PEAK1: variants seen among roughly 807,000 people sequenced by gnomAD.
PEAK1 encodes inactive tyrosine-protein kinase PEAK1.
Under a neutral mutation model 124.7 loss-of-function variants are expected in PEAK1, and 54 were observed. The ratio of observed to expected loss-of-function variants is 0.43; its 90% CI spans 0.35 to 0.54. PEAK1 has a LOEUF of 0.54. Among genes scored for constraint, PEAK1 ranks in the 20% least tolerant of loss-of-function variants. The probability of loss-of-function intolerance (pLI) is 0.01; values close to 1 mark genes in which losing one functional copy is unlikely to be tolerated. For synonymous variants in PEAK1, 719 were observed against 760.0 expected (o/e 0.95, Z 0.89); for missense variants, 2,046 against 2,134.5 (o/e 0.96, Z 0.82).
intron 7 of PEAK1, among the ~76,000 whole-genome samples, chr15:77,176,261 G>GAA (rs34451095): frequency 4.2e-4 from 40 of 95,004 alleles, no homozygotes; most frequent in African/African-American, 1.3e-3. Flanking sequence ...ATAATAAGAA[G>GAA]AAAAAAAAAA....
At chr15:77,280,863 G>T (rs1460961629) in intron 5 of PEAK1, among the ~76,000 whole-genome samples, 1 of 152,088 alleles carries the variant, frequency 6.6e-6, no homozygotes, top group African/African-American at 2.4e-5. Flanking sequence ...AGCTGTACAA[G>T]ATTTCTATTT....
chr15:77,405,284 G>A (rs756499236), intron 1 of PEAK1, among the ~76,000 whole-genome samples: 2 of 152,064 alleles, frequency 1.3e-5, no homozygotes, highest in South Asian at 2.1e-4. Context: ...GATTACAGGC[G>A]TGAGCCACCA....
At chr15:77,145,173 G>A (rs1412447016) in intron 8 of PEAK1, among the ~76,000 whole-genome samples, 4 of 152,186 alleles carry the variant, frequency 2.6e-5, no homozygotes, top group Non-Finnish European at 5.9e-5. Flanking sequence ...TTCAGGCCAG[G>A]TGCGGTGGCT....
chr15:77,237,331 C>T (rs796274828), intron 6 of PEAK1, among the ~76,000 whole-genome samples: 38 of 152,144 alleles, frequency 2.5e-4, no homozygotes, highest in African/African-American at 8.7e-4. Flanking sequence ...AATTTTGACA[C>T]CATCCCACAG....
rs1179007056 is a variant in PEAK1 at position 77,313,738 on chromosome 15, ATATT to A, written c.-602-27238_-602-27235del. ...TGTGTGTGTGTGTGTATATATATAT[ATATT>A]TATTTATTTATTTATTTTTAGTAGA... On this transcript the variant is annotated intron_variant, in intron 2 of 9. Coordinates refer to ENST00000682557, the MANE Select transcript of PEAK1 (RefSeq NM_001385026.1). 1.1e-3 allele frequency among the ~76,000 whole-genome samples: 159 copies of A among 143,722 alleles called. 1 individual carries two copies. Among genetic ancestry groups the A allele is most frequent in the Non-Finnish European group, 2.0e-3 (131 of 66,364 alleles). 94.3% of individuals were successfully genotyped at this position (143,722 alleles called of 152,430 possible).
intron 2 of PEAK1, among the ~76,000 whole-genome samples, chr15:77,321,837 G>A (rs2065239873): frequency 6.6e-6 from 1 of 152,106 alleles, no homozygotes; most frequent in African/African-American, 2.4e-5. Flanking sequence ...TTTTGTATAA[G>A]GTGTAAGGAA....
chr15:77,329,759 G>T (rs766476407), intron 2 of PEAK1, among the ~76,000 whole-genome samples: 7 of 152,184 alleles, frequency 4.6e-5, no homozygotes, highest in African/African-American at 7.2e-5. Flanking sequence ...AAGAACAGCA[G>T]AATACATAAG....
At chr15:77,165,789 G>C (rs2056051899) in intron 7 of PEAK1, among the ~76,000 whole-genome samples, 1 of 152,116 alleles carries the variant, frequency 6.6e-6, no homozygotes, top group Non-Finnish European at 1.5e-5. Context: ...CTCTTCAGGA[G>C]GTAGCTACAA....
intron 2 of PEAK1, chr15:77,349,884 T>A (rs2067102447): frequency 1.0e-6 from 1 of 985,146 alleles, no homozygotes; most frequent in Admixed American, 6.2e-5. Context: ...CAATATGGTA[T>A]CTAAAAAACA....
exon 7 of PEAK1, chr15:77,102,377 C>A (rs189554005): frequency 6.6e-6 from 1 of 152,134 alleles, no homozygotes; most frequent in African/African-American, 2.4e-5. Context: ...CTGCTGTTTT[C>A]CATGGACAAA....
intron 8 of PEAK1, among the ~76,000 whole-genome samples, chr15:77,137,181 T>C (rs1256656455): frequency 1.3e-5 from 2 of 152,212 alleles, no homozygotes; most frequent in Non-Finnish European, 2.9e-5. Context: ...GAGGCAGAAG[T>C]TGGCTGCAGG....
At chr15:77,355,176 A>G (rs890879576) in intron 2 of PEAK1, among the ~76,000 whole-genome samples, 1 of 152,208 alleles carries the variant, frequency 6.6e-6, no homozygotes, top group African/African-American at 2.4e-5. Flanking sequence ...AGGGATTTAT[A>G]ACGGAAAGTA....
chr15:77,375,521 A>T (rs2068938055), intron 1 of PEAK1, among the ~76,000 whole-genome samples: 1 of 152,232 alleles, frequency 6.6e-6, no homozygotes, highest in African/African-American at 2.4e-5. Flanking sequence ...AAGGAAAACA[A>T]TATAATTTAG....
intron 9 of PEAK1, among the ~76,000 whole-genome samples, chr15:77,126,836 C>T (rs1342545691): frequency 1.3e-5 from 2 of 152,194 alleles, no homozygotes; most frequent in African/African-American, 4.8e-5. Flanking sequence ...TAAAGCTAAT[C>T]ATGTTGAATG....
chr15:77,199,879 C>A (rs1233768027), intron 6 of PEAK1, among the ~76,000 whole-genome samples: 1 of 152,152 alleles, frequency 6.6e-6, no homozygotes, highest in Non-Finnish European at 1.5e-5. Flanking sequence ...TCTGACGATT[C>A]AAGACTGCTA....
rs1025167932 is a variant in PEAK1, at chr15:77,151,863, G to C, written c.3331+6640C>G. 2.6e-5 allele frequency among the ~76,000 whole-genome samples: 4 copies of C among 152,284 alleles called. No individual in the cohort carries two copies. In the East Asian group the frequency reaches 5.8e-4, roughly 22 times the overall value. On this transcript the variant is annotated intron_variant, in intron 8 of 9. Coordinates refer to ENST00000682557, the MANE Select transcript of PEAK1 (RefSeq NM_001385026.1). ...TCTGAGGGCTCTGTTCTGTTCCATT[G>C]ATCTATATCTCTGTTTTGGTAACAG... is the stretch of plus-strand genomic sequence containing the variant.
intron 7 of PEAK1, among the ~76,000 whole-genome samples, chr15:77,160,842 A>C (rs1159835081): frequency 1.3e-5 from 2 of 152,176 alleles, no homozygotes; most frequent in African/African-American, 4.8e-5. Flanking sequence ...GTTATTACTA[A>C]AAGAAAGTGT....
At chr15:77,200,529 C>T (rs2058313409) in intron 6 of PEAK1, among the ~76,000 whole-genome samples, 1 of 152,108 alleles carries the variant, frequency 6.6e-6, no homozygotes, top group South Asian at 2.1e-4. Flanking sequence ...TTACAAGATG[C>T]CCAGGTACTT....
intron 2 of PEAK1, chr15:77,333,115 T>C (rs1440711644): frequency 3.1e-6 from 3 of 982,356 alleles, no homozygotes; most frequent in Non-Finnish European, 3.6e-6. Flanking sequence ...TGGTATTTGA[T>C]ACATAATTTT....
Sources: allele counts gnomAD v4.1 joint callset (sites outside exome capture counted in the v4.1 genomes callset), GRCh38; gene constraint gnomAD v4.1.1; transcripts MANE v1.5; gene names NCBI Gene and HGNC (gene_info 2026-07-23, HGNC 2026-07-21).